RAB3GAP1: variants seen among roughly 807,000 people sequenced by gnomAD.
The protein encoded by RAB3GAP1 is RAB3 GTPase activating protein catalytic subunit 1.
RAB3GAP1 carries 86 observed loss-of-function variants against 130.7 expected under a neutral mutation model. The observed-to-expected ratio is 0.66, with a 90% confidence interval of 0.55 to 0.79. The LOEUF is 0.79. Ranked by LOEUF, RAB3GAP1 falls within the 30% of genes least tolerant of loss-of-function variation. The pLI, the probability that RAB3GAP1 is intolerant of heterozygous loss-of-function variation, is 0.00. For synonymous variants in RAB3GAP1, 367 were observed against 401.7 expected (o/e 0.91, Z 1.03); for missense variants, 1,029 against 1,169.4 (o/e 0.88, Z 1.75).
intron 3 of RAB3GAP1, among the ~76,000 whole-genome samples, chr2:135,076,860 C>T (rs1417282685): frequency 2.6e-5 from 4 of 152,214 alleles, no homozygotes; most frequent in Non-Finnish European, 5.9e-5. Flanking sequence ...ACATGTTTCA[C>T]TTAACATGAA....
chr2:135,055,975 T>C lies in RAB3GAP1; in HGVS notation c.75-2036T>C, dbSNP rs559603054. On this transcript the variant is annotated intron_variant, in intron 2 of 23. Coordinates refer to ENST00000264158, the MANE Select transcript of RAB3GAP1 (RefSeq NM_012233.3). ...CCTCAGCCTCCCAAGTAGCTGGGAC[T>C]ACAGGTGCCCGCCACCACGCCCGGC... 4.6e-5 allele frequency among the ~76,000 whole-genome samples: 7 copies of C among 152,036 alleles called. No individual in the cohort carries two copies. In the South Asian group the frequency reaches 1.5e-3, roughly 32 times the overall value.
In RAB3GAP1 at chr2:135,135,915, T is replaced by C. The variant is rs751227116; in HGVS notation, c.1906T>C (p.Tyr636His). 3.1e-6 allele frequency: 5 copies of C among 1,613,970 alleles called. No homozygotes were observed. The highest frequency in any genetic ancestry group is 4.2e-6 in the Non-Finnish European group (5 of 1,179,888). ...ACTGCTGCATAATGGAGAACCTCTC[T>C]ACATTCCAGTAACCCAGGTAGGATG... is the stretch of plus-strand genomic sequence containing the variant. The part of the protein sequence containing the change: ...LTLLHNGEPL[Y>H]IPVTQEPAPM... Residue 636 changes from tyrosine (Y) to histidine (H), a missense_variant, in exon 17 of 24, where the codon TAC (tyrosine) becomes CAC (histidine). Tyr to His is a moderately conservative substitution (Grantham distance 83). Coordinates refer to ENST00000264158, the MANE Select transcript of RAB3GAP1 (RefSeq NM_012233.3).
intron 3 of RAB3GAP1, among the ~76,000 whole-genome samples, chr2:135,078,151 C>T (rs1443766641): frequency 1.3e-5 from 2 of 152,116 alleles, no homozygotes; most frequent in Non-Finnish European, 1.5e-5. Flanking sequence ...CTGTTTACTT[C>T]TAAGAGATTT....
chr2:135,059,109 A>G (rs1397183681), intron 3 of RAB3GAP1: 3 of 152,140 alleles, frequency 2.0e-5, no homozygotes. Context: ...GTAAGACCAC[A>G]TATAAAAAAT....
chr2:135,073,863 T>C (rs1012043315), intron 3 of RAB3GAP1, among the ~76,000 whole-genome samples: 1 of 152,194 alleles, frequency 6.6e-6, no homozygotes, highest in African/African-American at 2.4e-5. Context: ...TTGAGGGGCT[T>C]CATCCCATGA....
intron 3 of RAB3GAP1, among the ~76,000 whole-genome samples, chr2:135,087,174 C>CT (rs1690009956): frequency 6.6e-6 from 1 of 152,248 alleles, no homozygotes; most frequent in East Asian, 1.9e-4. Context: ...GTTGAAAAGA[C>CT]TATTATTTCC....
intron 17 of RAB3GAP1, among the ~76,000 whole-genome samples, chr2:135,137,707 A>G (rs1319470762): frequency 6.6e-6 from 1 of 152,230 alleles, no homozygotes; most frequent in Non-Finnish European, 1.5e-5. Context: ...CAATTATATG[A>G]TTAGCTTTTA....
chr2:135,135,272 A>C lies in RAB3GAP1; in HGVS notation c.1507A>C (p.Ser503Arg). The C allele has an allele frequency of 1.2e-6, 2 of 1,610,166 alleles. No homozygotes were observed. The highest frequency in any genetic ancestry group is 1.7e-6 in the Non-Finnish European group (2 of 1,176,460). ...CCTTACTTTATTTGATAGATTAGCA[A>C]GTGGACCCCCAGATCTGAGGTGTTG... ...ENNFLIPGLA[S>R]GPPDLRCCLL... is the part of the protein sequence containing the mutation. Residue 503 changes from serine (S) to arginine (R), a missense_variant, in exon 16 of 24, where the codon AGT becomes CGT. Ser to Arg is a moderately radical substitution (Grantham distance 110, BLOSUM62 -1). Coordinates refer to ENST00000264158, the MANE Select transcript of RAB3GAP1 (RefSeq NM_012233.3).
At chr2:135,128,763 G>A (rs1325391436) in intron 11 of RAB3GAP1, among the ~76,000 whole-genome samples, 2 of 152,210 alleles carry the variant, frequency 1.3e-5, no homozygotes, top group African/African-American at 4.8e-5. Context: ...TGTACTTGAT[G>A]TATCTTAGTA....
chr2:135,150,094 A>G (rs1330441151), intron 17 of RAB3GAP1, among the ~76,000 whole-genome samples: 1 of 152,220 alleles, frequency 6.6e-6, no homozygotes, highest in Non-Finnish European at 1.5e-5. Context: ...AATGTTGCTC[A>G]GTGGACCCAA....
At chr2:135,093,545 T>A in intron 4 of RAB3GAP1, 70 bp from the exon 5 acceptor site, 1 of 1,180,528 alleles carries the variant, frequency 8.5e-7, no homozygotes, top group Non-Finnish European at 1.3e-6. Context: ...ATGTGTTTCC[T>A]CAAAGCATGT....
At chr2:135,163,170 G>T in intron 22 of RAB3GAP1, 69 bp downstream of exon 22, 1 of 1,011,736 alleles carries the variant, frequency 9.9e-7, no homozygotes, top group Admixed American at 1.7e-5. Context: ...AAGAAAAATT[G>T]TAATAGGATA....
At chr2:135,057,706 G>A (rs1438457311) in intron 2 of RAB3GAP1, among the ~76,000 whole-genome samples, 1 of 152,040 alleles carries the variant, frequency 6.6e-6, no homozygotes, top group Admixed American at 6.5e-5. Context: ...GTTTTTATTT[G>A]TGCCCCAAAT....
intron 5 of RAB3GAP1, among the ~76,000 whole-genome samples, chr2:135,112,251 A>G (rs749364992): frequency 6.6e-6 from 1 of 152,220 alleles, no homozygotes; most frequent in Non-Finnish European, 1.5e-5. Flanking sequence ...GGTTTCTGGA[A>G]AGGCTGAAGC....
At chr2:135,140,106 A>G (rs757484140) in intron 17 of RAB3GAP1, among the ~76,000 whole-genome samples, 14 of 152,230 alleles carry the variant, frequency 9.2e-5, no homozygotes, top group African/African-American at 1.4e-4. Context: ...TTAGTATTCT[A>G]TTCTATGAAT....
chr2:135,099,493 T>C (rs1335308022), intron 5 of RAB3GAP1, among the ~76,000 whole-genome samples: 1 of 151,630 alleles, frequency 6.6e-6, no homozygotes, highest in African/African-American at 2.4e-5. Context: ...GTATTTGATA[T>C]GCTAATAGTT....
At position 135,098,605 on chromosome 2, in the gene RAB3GAP1, T is replaced by G. The variant is rs985095034; in HGVS notation, c.362+4912T>G. On this transcript the variant is annotated intron_variant, in intron 5 of 23. Transcript: ENST00000264158. Reference sequence around the variant, plus strand: ...CTGGGGATGGTGGTAGCAGATCCATTACCCAGCTGGCAAAAGGGGTGGCAG... The same window carrying G: ...CTGGGGATGGTGGTAGCAGATCCATGACCCAGCTGGCAAAAGGGGTGGCAG... 3.2e-4 allele frequency among the ~76,000 whole-genome samples: 48 copies of G among 152,310 alleles called. No individual in the cohort carries two copies. In the South Asian group the frequency reaches 3.7e-3, roughly 12 times the overall value.
chr2:135,117,474 GCTT>G (rs1212745711), intron 7 of RAB3GAP1, among the ~76,000 whole-genome samples: 51 of 27,412 alleles, frequency 1.9e-3, no homozygotes, highest in African/African-American at 2.4e-3. Flanking sequence ...TTCTGCTTCT[GCTT>G]CTTCTGCTTC....
At chr2:135,064,768 T>C (rs1483872596) in intron 3 of RAB3GAP1, among the ~76,000 whole-genome samples, 1 of 151,158 alleles carries the variant, frequency 6.6e-6, no homozygotes, top group African/African-American at 2.4e-5. Context: ...TTTTTTTTTT[T>C]TTGATATGTG....
Sources: gnomAD v4.1 joint callset for allele counts (sites outside exome capture counted in the v4.1 genomes callset) on GRCh38, gnomAD v4.1.1 for gene constraint, MANE v1.5 for transcripts, NCBI Gene and HGNC (gene_info 2026-07-23, HGNC 2026-07-21) for gene names.